The following MAGI1 variants were observed in gnomAD, a reference collection of about 807,000 sequenced individuals.
The protein encoded by MAGI1 is membrane associated guanylate kinase, WW and PDZ domain containing 1, also known as membrane-associated guanylate kinase, WW and PDZ domain-containing protein 1.
Under a neutral mutation model 139.9 loss-of-function variants are expected in MAGI1, and 58 were observed. The observed-to-expected ratio is 0.41, with a 90% CI of 0.34 to 0.52. The LOEUF is 0.52. MAGI1 is among the 20% of genes least tolerant of loss of function. MAGI1 has a pLI of 0.12. For synonymous variants in MAGI1, 812 were observed against 737.9 expected (o/e 1.10, Z -1.63); for missense variants, 1,874 against 1,901.6 (o/e 0.99, Z 0.27).
At chr3:65,597,993 C>T (rs565735829) in intron 2 of MAGI1, 2 of 442,540 alleles carry the variant, frequency 4.5e-6, no homozygotes, top group African/African-American at 4.0e-5. Context: ...GACCACAGAG[C>T]GGTTTTTCGA....
At chr3:65,772,312 C>T (rs1339536240) in intron 1 of MAGI1, among the ~76,000 whole-genome samples, 4 of 152,214 alleles carry the variant, frequency 2.6e-5, no homozygotes, top group Non-Finnish European at 5.9e-5. Flanking sequence ...ACCTGTGTCT[C>T]CCTGTTAACA....
chr3:66,018,049 A>G (rs186713621), intron 1 of MAGI1, among the ~76,000 whole-genome samples: 2 of 137,324 alleles, frequency 1.5e-5, no homozygotes, highest in African/African-American at 2.6e-5. Flanking sequence ...GCGGTCCACA[A>G]TTTTTGGTGG....
At chr3:65,431,880 C>T (rs1947485481) in intron 10 of MAGI1, among the ~76,000 whole-genome samples, 1 of 151,988 alleles carries the variant, frequency 6.6e-6, no homozygotes, top group Non-Finnish European at 1.5e-5. Context: ...GTAATCCCAG[C>T]TACTTGGGAG....
chr3:65,680,667 G>A (rs919469720), intron 1 of MAGI1, among the ~76,000 whole-genome samples: 2 of 151,984 alleles, frequency 1.3e-5, no homozygotes, highest in African/African-American at 2.4e-5. Context: ...GTGATCTTCC[G>A]GCCTCAGACT....
chr3:65,546,142 G>T (rs997385204), intron 2 of MAGI1, among the ~76,000 whole-genome samples: 1 of 151,934 alleles, frequency 6.6e-6, no homozygotes, highest in African/African-American at 2.4e-5. Flanking sequence ...ATCATAAATG[G>T]CCACTAACTA....
rs961900931 is a variant in MAGI1 at position 65,430,854 on chromosome 3, G to T, written c.1391C>A (p.Ser464Tyr). The change falls in exon 11 of 23, where the codon TCT becomes TAT. Residue 464 changes from serine (S) to tyrosine (Y), a missense_variant. By Grantham distance (144) the Ser-to-Tyr change is moderately radical. Transcript: ENST00000402939. ...QGKPFFTRNPSELKGKFIHTK... is the reference protein window; with the variant it reads ...QGKPFFTRNPYELKGKFIHTK... ...GTGAATGAACTTGCCTTTCAACTCAGAAGGGTTTCGTGTAAAAAAGGGTTT... is the reference window on the plus strand; with the variant it reads ...GTGAATGAACTTGCCTTTCAACTCATAAGGGTTTCGTGTAAAAAAGGGTTT... The T allele has an allele frequency of 1.2e-6, 2 of 1,613,434 alleles. No homozygotes were observed. The highest frequency in any genetic ancestry group is 1.1e-5 in the South Asian group (1 of 91,032).
intron 12 of MAGI1, among the ~76,000 whole-genome samples, chr3:65,412,843 T>G (rs570234525): frequency 2.0e-5 from 3 of 152,264 alleles, no homozygotes; most frequent in Admixed American, 2.0e-4. Context: ...GTGTCCTGAC[T>G]TCCCATCACC....
At chr3:65,561,074 G>A (rs913473704) in intron 2 of MAGI1, among the ~76,000 whole-genome samples, 1 of 152,162 alleles carries the variant, frequency 6.6e-6, no homozygotes, top group African/African-American at 2.4e-5. Context: ...TACTTTCCCT[G>A]TTTCTCTAAT....
intron 1 of MAGI1, among the ~76,000 whole-genome samples, chr3:65,867,032 T>C (rs2059753060): frequency 6.6e-6 from 1 of 152,162 alleles, no homozygotes; most frequent in African/African-American, 2.4e-5. Flanking sequence ...TCTCTCTATT[T>C]TTCAAGGGTC....
intron 1 of MAGI1, among the ~76,000 whole-genome samples, chr3:65,826,260 CAGGT>C (rs1479610799): frequency 6.6e-6 from 1 of 152,066 alleles, no homozygotes; most frequent in African/African-American, 2.4e-5. Context: ...TATTTCATAA[CAGGT>C]AGGAGATCAT....
chr3:65,356,560 G>T lies in MAGI1; in HGVS notation c.4207C>A (p.Arg1403Ser). 1 of 1,607,696 alleles carries T rather than the reference G, an allele frequency of 6.2e-7. No homozygotes were observed. ...ERRAKSTDRR[R>S]ARSPERRRER... ...CTCCTGCGCTCGGGGGAGCGTGCGC[G>T]CCTCCGGTCGGTGGACTTGGCCCTG... Residue 1403 changes from arginine to serine, a missense_variant, in exon 23 of 23, where the codon CGC (arginine) becomes AGC (serine). By Grantham distance (110) the Arg-to-Ser change is moderately radical. Around this residue, in one of 5 missense-constraint regions of MAGI1, gnomAD observed 653 missense variants for 644.5 expected, o/e 1.01. Coordinates refer to ENST00000402939, the MANE Select transcript of MAGI1 (RefSeq NM_001033057.2).
At chr3:65,426,070 A>G (rs1947022601) in intron 12 of MAGI1, among the ~76,000 whole-genome samples, 1 of 152,182 alleles carries the variant, frequency 6.6e-6, no homozygotes, top group Non-Finnish European at 1.5e-5. Context: ...AGGAGTAAGG[A>G]CACACAATTG....
intron 1 of MAGI1, among the ~76,000 whole-genome samples, chr3:65,921,496 G>T (rs1344850460): frequency 6.6e-6 from 1 of 151,804 alleles, no homozygotes; most frequent in Non-Finnish European, 1.5e-5. Flanking sequence ...TTTTGGTAGA[G>T]ACGGGGTTTC....
intron 1 of MAGI1, among the ~76,000 whole-genome samples, chr3:65,659,418 T>C (rs1352185310): frequency 3.9e-5 from 6 of 152,214 alleles, no homozygotes; most frequent in South Asian, 4.1e-4. Flanking sequence ...GCATTTGACC[T>C]AGGTTTCACC....
At chr3:65,497,570 T>C (rs570766469) in intron 2 of MAGI1, among the ~76,000 whole-genome samples, 1 of 148,064 alleles carries the variant, frequency 6.8e-6, no homozygotes, top group Admixed American at 6.8e-5. Flanking sequence ...ATTAACTTAA[T>C]CCATCTTGAA....
Position 65,750,265 on chromosome 3 carries a change from G to T in MAGI1, c.314-128177C>A, listed in dbSNP as rs889523974. Among the ~76,000 whole-genome samples the T allele has an allele frequency of 3.3e-5, 5 of 152,288 alleles. No individual in the cohort carries two copies. The East Asian group carries it at 9.7e-4, about 29-fold the overall frequency. ...AACAGAAATCTGGAGAACCTAAAAG[G>T]AGTTACATATGTGATGAGGAGGTTG... On this transcript the variant is annotated intron_variant, in intron 1 of 22. Coordinates refer to ENST00000402939, the MANE Select transcript of MAGI1 (RefSeq NM_001033057.2).
intron 1 of MAGI1, among the ~76,000 whole-genome samples, chr3:65,888,165 C>T (rs1303391892): frequency 1.3e-5 from 2 of 152,158 alleles, no homozygotes; most frequent in East Asian, 3.9e-4. Context: ...AAAGCTGCTA[C>T]ATAATTGTGT....
chr3:65,958,740 A>G (rs1190905806), intron 1 of MAGI1, among the ~76,000 whole-genome samples: 1 of 152,200 alleles, frequency 6.6e-6, no homozygotes, highest in African/African-American at 2.4e-5. Context: ...TAATCCCAGC[A>G]CTTTGGGAGG....
chr3:65,838,181 G>A lies in MAGI1; in HGVS notation c.313+199815C>T, dbSNP rs2058690645. 2.6e-5 allele frequency among the ~76,000 whole-genome samples: 4 copies of A among 152,194 alleles called. No individual in the cohort carries two copies. The South Asian group carries it at 6.2e-4, about 24-fold the overall frequency. ...AAAAAAATTAGCTGGGTGTGGTGGC[G>A]CACGCCTGCCATCCCAACTACTAGG... On this transcript the variant is annotated intron_variant, in intron 1 of 22. Coordinates refer to ENST00000402939, the MANE Select transcript of MAGI1 (RefSeq NM_001033057.2).
Sources: allele counts gnomAD v4.1 joint callset (sites outside exome capture counted in the v4.1 genomes callset), GRCh38; gene constraint gnomAD v4.1.1; regional missense constraint gnomAD v4.1.1; transcripts MANE v1.5; gene names NCBI Gene and HGNC (gene_info 2026-07-23, HGNC 2026-07-21).